The following AGBL4 variants were observed in gnomAD, a reference collection of about 807,000 sequenced individuals.
The protein encoded by AGBL4 is AGBL carboxypeptidase 4.
In AGBL4, 58 loss-of-function variants were observed where a neutral mutation model predicts 66.4. The ratio of observed to expected loss-of-function variants is 0.87; its 90% confidence interval spans 0.71 to 1.09. The LOEUF is 1.09. Among genes scored for constraint, AGBL4 ranks in the 50% least tolerant of loss-of-function variants. AGBL4 has a pLI of 0.00. For missense variants in AGBL4, 579 were observed against 631.0 expected (o/e 0.92, Z 0.88); for synonymous variants, 234 against 222.9 (o/e 1.05, Z -0.44).
downstream of AGBL4, among the ~76,000 whole-genome samples, chr1:48,531,205 TTTTC>T (rs374438667): frequency 6.8e-4 from 93 of 136,808 alleles, no homozygotes; most frequent in African/African-American, 2.1e-3. Flanking sequence ...CAGCTTTTTT[TTTTC>T]TCTCTCTCTC....
chr1:49,787,877 CG>C, intron 2 of AGBL4, among the ~76,000 whole-genome samples: 1 of 151,544 alleles, frequency 6.6e-6, no homozygotes, highest in South Asian at 2.1e-4. Context: ...GCCTTTTTTG[CG>C]GGGAAGGGGG....
At chr1:49,704,570 T>TAAAAA (rs1647166092) in intron 2 of AGBL4, among the ~76,000 whole-genome samples, 1 of 152,178 alleles carries the variant, frequency 6.6e-6, no homozygotes, top group Admixed American at 6.5e-5. Flanking sequence ...AGGTCTTACC[T>TAAAAA]TTAAATTTTT....
At chr1:50,003,038 T>C (rs1660880232) in intron 1 of AGBL4, among the ~76,000 whole-genome samples, 1 of 152,178 alleles carries the variant, frequency 6.6e-6, no homozygotes, top group South Asian at 2.1e-4. Flanking sequence ...GAGCTTCTAC[T>C]CACCAAGTCC....
chr1:49,508,508 C>T (rs1648897899), intron 3 of AGBL4, among the ~76,000 whole-genome samples: 1 of 151,798 alleles, frequency 6.6e-6, no homozygotes, highest in African/African-American at 2.4e-5. Flanking sequence ...GGACTGAGGG[C>T]CCACGCAGAG....
intron 3 of AGBL4, among the ~76,000 whole-genome samples, chr1:49,267,789 G>C (rs1405846980): frequency 2.0e-5 from 3 of 152,146 alleles, no homozygotes; most frequent in Non-Finnish European, 2.9e-5. Context: ...GAAGGCAAAA[G>C]GCACATCTTA....
intron 6 of AGBL4, among the ~76,000 whole-genome samples, chr1:48,790,730 A>G (rs1645529557): frequency 6.6e-6 from 1 of 152,182 alleles, no homozygotes; most frequent in African/African-American, 2.4e-5. Flanking sequence ...TTCTGCCCTC[A>G]TGAATGAATT....
intron 5 of AGBL4, among the ~76,000 whole-genome samples, chr1:48,936,065 T>C (rs920676237): frequency 7.4e-6 from 1 of 135,810 alleles, no homozygotes; most frequent in Non-Finnish European, 1.5e-5. Context: ...AGGAAGAGCA[T>C]AGCTTGAGGC....
intron 3 of AGBL4, among the ~76,000 whole-genome samples, chr1:49,568,487 T>TCACACACACACACACACACACACA (rs71059555): frequency 7.6e-6 from 1 of 131,206 alleles, no homozygotes; most frequent in Non-Finnish European, 1.6e-5. Flanking sequence ...AAATAAGTGA[T>TCACACACACACACACACACACACA]CACACACACA....
At chr1:49,654,420 T>A (rs1412798764) in intron 3 of AGBL4, among the ~76,000 whole-genome samples, 5 of 152,142 alleles carry the variant, frequency 3.3e-5, no homozygotes, top group African/African-American at 1.2e-4. Context: ...GGTGGAGAGT[T>A]CTGTAGATGT....
chr1:48,944,675 C>T (rs1172852899), intron 5 of AGBL4, among the ~76,000 whole-genome samples: 1 of 152,176 alleles, frequency 6.6e-6, no homozygotes, highest in African/African-American at 2.4e-5. Context: ...TTTCTGCAAA[C>T]TGCCCCCCGC....
intron 3 of AGBL4, among the ~76,000 whole-genome samples, chr1:49,505,798 G>C (rs188874917): frequency 6.6e-6 from 1 of 151,818 alleles, no homozygotes; most frequent in African/African-American, 2.4e-5. Context: ...AATATTTTCT[G>C]TTATTATTTC....
At chr1:49,305,620 T>C (rs1352873847) in intron 3 of AGBL4, among the ~76,000 whole-genome samples, 4 of 152,218 alleles carry the variant, frequency 2.6e-5, no homozygotes, top group Non-Finnish European at 5.9e-5. Flanking sequence ...CAGAATAATA[T>C]GATCAACAGT....
intron 3 of AGBL4, among the ~76,000 whole-genome samples, chr1:49,250,273 C>G (rs1208761144): frequency 6.6e-6 from 1 of 151,972 alleles, no homozygotes; most frequent in Non-Finnish European, 1.5e-5. Context: ...GGCAAAATGG[C>G]TGACTAGACT....
intron 3 of AGBL4, among the ~76,000 whole-genome samples, chr1:49,599,389 G>A (rs775598541): frequency 1.5e-4 from 23 of 152,116 alleles, no homozygotes; most frequent in South Asian, 6.2e-4. Flanking sequence ...GTGTATTTGC[G>A]TAGAGGTGTT....
rs575291421 is a variant in AGBL4, at chr1:49,896,634, C to G, written c.35-45116G>C. ...ACACACACACACACACACACACACA[C>G]ACACACACACACACACACACAACTA... is the stretch of plus-strand genomic sequence containing the variant. On this transcript the variant is annotated intron_variant, in intron 1 of 13. Transcript: ENST00000371839. 3.3e-4 allele frequency among the ~76,000 whole-genome samples: 50 copies of G among 150,900 alleles called. 1 individual carries two copies. In the South Asian group the frequency reaches 9.3e-3, roughly 28 times the overall value.
chr1:48,606,166 T>C (rs544147298), intron 9 of AGBL4, among the ~76,000 whole-genome samples: 2 of 148,794 alleles, frequency 1.3e-5, no homozygotes, highest in Non-Finnish European at 1.5e-5. Context: ...AAGAATATTA[T>C]CAGGCATCAG....
chr1:49,350,186 T>TG (rs1226243079), intron 3 of AGBL4, among the ~76,000 whole-genome samples: 2 of 147,834 alleles, frequency 1.4e-5, no homozygotes, highest in South Asian at 2.1e-4. Flanking sequence ...AATGAATATT[T>TG]GTTTTTTTTT....
chr1:48,842,920 A>G (rs1219045878), intron 6 of AGBL4, among the ~76,000 whole-genome samples: 1 of 152,182 alleles, frequency 6.6e-6, no homozygotes, highest in Non-Finnish European at 1.5e-5. Flanking sequence ...GCTAGCCACA[A>G]AAAAGAAAAT....
At chr1:49,410,670 T>C (rs1384843013) in intron 3 of AGBL4, among the ~76,000 whole-genome samples, 4 of 152,218 alleles carry the variant, frequency 2.6e-5, no homozygotes, top group Non-Finnish European at 4.4e-5. Flanking sequence ...TCTCTTGATT[T>C]GCTGTCTTTC....
Sources: gnomAD v4.1 joint callset for allele counts (sites outside exome capture counted in the v4.1 genomes callset) on GRCh38, gnomAD v4.1.1 for gene constraint, MANE v1.5 for transcripts, NCBI Gene and HGNC (gene_info 2026-07-23, HGNC 2026-07-21) for gene names.